The following EIF3H variants were observed in gnomAD, a reference collection of about 807,000 sequenced individuals.
EIF3H encodes eukaryotic translation initiation factor 3 subunit H.
A neutral mutation model predicts 44.2 loss-of-function variants in EIF3H; 26 were observed. The ratio of observed to expected loss-of-function variants is 0.59; its 90% CI spans 0.43 to 0.82. The LOEUF (loss-of-function observed/expected upper bound fraction) is 0.82, where lower values mean the gene tolerates loss of function less well. EIF3H is among the 40% of genes least tolerant of loss of function. The pLI is 0.00. For missense variants in EIF3H, 359 were observed against 432.8 expected (o/e 0.83, Z 1.51); for synonymous variants, 166 against 151.9 (o/e 1.09, Z -0.68).
rs751269283 is a variant in EIF3H, at chr8:116,642,889, T to A, written c.*2117A>T. 6.6e-6 allele frequency: 1 copy of A among 152,240 alleles called. No individual in the cohort carries two copies. 9.4% of individuals were successfully genotyped at this position (152,240 alleles called of 1,614,324 possible). On this transcript the variant is annotated 3_prime_UTR_variant, in exon 8 of 8. Transcript: ENST00000521861. The stretch of plus-strand genomic sequence containing the variant: ...ATTCCCAAATCAAAAATTACTGAAA[T>A]CTTTCATTAAGTGTGTATTCATGTT...
At chr8:116,751,211 CA>C (rs869150189) in intron 1 of EIF3H, among the ~76,000 whole-genome samples, 1 of 100,426 alleles carries the variant, frequency 1.0e-5, no homozygotes. Flanking sequence ...GACTCCGTCT[CA>C]AAAAAAAAAT....
At chr8:116,658,700 T>G (rs1586436087) in intron 3 of EIF3H, 113 bp downstream of exon 3, 4 of 981,112 alleles carry the variant, frequency 4.1e-6, no homozygotes. Flanking sequence ...AGAAACAGGG[T>G]TGGTATTTAC....
intron 1 of EIF3H, among the ~76,000 whole-genome samples, chr8:116,732,987 C>T (rs1039395071): frequency 6.6e-6 from 1 of 152,178 alleles, no homozygotes; most frequent in African/African-American, 2.4e-5. Flanking sequence ...CACAGTCCTA[C>T]AAGACTGCCC....
chr8:116,676,462 GA>G (rs1792252020), intron 2 of EIF3H, among the ~76,000 whole-genome samples: 1 of 152,302 alleles, frequency 6.6e-6, no homozygotes, highest in South Asian at 2.1e-4. Context: ...AAGGGGGGAA[GA>G]GCCTCTTATA....
intron 2 of EIF3H, among the ~76,000 whole-genome samples, chr8:116,672,103 T>G (rs1051386794): frequency 6.6e-6 from 1 of 152,212 alleles, no homozygotes; most frequent in African/African-American, 2.4e-5. Flanking sequence ...TGAGTATCCT[T>G]GTTAGATAGA....
intron 1 of EIF3H, among the ~76,000 whole-genome samples, chr8:116,743,817 C>A (rs1379184847): frequency 8.1e-6 from 1 of 123,178 alleles, no homozygotes; most frequent in Non-Finnish European, 1.7e-5. Context: ...CACACACACA[C>A]ACACACACAC....
chr8:116,698,044 A>C (rs1255811623), intron 2 of EIF3H, among the ~76,000 whole-genome samples: 1 of 152,236 alleles, frequency 6.6e-6, no homozygotes, highest in Non-Finnish European at 1.5e-5. Flanking sequence ...AGGCAGAATT[A>C]TCATGCTCAG....
At chr8:116,658,331 C>T (rs1813526938) in intron 3 of EIF3H, 1 of 152,342 alleles carries the variant, frequency 6.6e-6, no homozygotes. Flanking sequence ...TGATACAGCA[C>T]AGAACATCTG....
intron 2 of EIF3H, among the ~76,000 whole-genome samples, chr8:116,707,549 T>C (rs1814491312): frequency 1.0e-5 from 1 of 95,924 alleles, no homozygotes; most frequent in East Asian, 2.4e-4. Flanking sequence ...CAGTCAAATA[T>C]CTCATACGTG....
chr8:116,755,955 C>A (rs1180955856), upstream of EIF3H: 1 of 1,536,552 alleles, frequency 6.5e-7, no homozygotes, highest in Admixed American at 2.0e-5. Context: ...GTTTTACCTT[C>A]TTTCCAGGCG....
intron 5 of EIF3H, among the ~76,000 whole-genome samples, chr8:116,652,569 T>G (rs1813412336): frequency 6.6e-6 from 1 of 152,226 alleles, no homozygotes; most frequent in Non-Finnish European, 1.5e-5. Flanking sequence ...AAAAGTCATG[T>G]CTACAATTTA....
In EIF3H at chr8:116,675,311, T is replaced by C. The variant is rs189675145; in HGVS notation, c.290-16331A>G. Among the ~76,000 whole-genome samples the C allele has an allele frequency of 2.0e-5, 3 of 152,366 alleles. No individual in the cohort carries two copies. In the East Asian group the frequency reaches 5.8e-4, roughly 29 times the overall value. On this transcript the variant is annotated intron_variant, in intron 2 of 7. Coordinates refer to ENST00000521861, the MANE Select transcript of EIF3H (RefSeq NM_003756.3). Reference sequence around the variant, plus strand: ...TGTAAATCATCAAACTCCTAGATTCTTATTCCCAGTATATACAGATCCACA... The same window carrying C: ...TGTAAATCATCAAACTCCTAGATTCCTATTCCCAGTATATACAGATCCACA...
At chr8:116,710,458 T>C (rs1341492980) in intron 2 of EIF3H, among the ~76,000 whole-genome samples, 1 of 152,226 alleles carries the variant, frequency 6.6e-6, no homozygotes, top group East Asian at 1.9e-4. Context: ...GGGTTTAGTG[T>C]CTGTATACAT....
At chr8:116,757,354 G>T (rs1175471984), upstream of EIF3H, among the ~76,000 whole-genome samples, 1 of 152,090 alleles carries the variant, frequency 6.6e-6, no homozygotes, top group Admixed American at 6.6e-5. Context: ...ACAAGAAAGG[G>T]CCCAGAAGCA....
At chr8:116,762,960 A>G (rs1457196059) in intron 1 of EIF3H, among the ~76,000 whole-genome samples, 5 of 152,246 alleles carry the variant, frequency 3.3e-5, no homozygotes, top group African/African-American at 7.2e-5. Flanking sequence ...AAAAGGAAAA[A>G]AAAAGAATTC....
intron 2 of EIF3H, among the ~76,000 whole-genome samples, chr8:116,700,773 T>C (rs751673818): frequency 1.3e-5 from 2 of 152,190 alleles, no homozygotes; most frequent in Non-Finnish European, 2.9e-5. Context: ...AGTCCATTTG[T>C]AATGCAAAAG....
intron 5 of EIF3H, among the ~76,000 whole-genome samples, chr8:116,649,339 C>T (rs559764582): frequency 1.3e-4 from 20 of 152,170 alleles, no homozygotes; most frequent in Non-Finnish European, 2.5e-4. Context: ...CAGATTATGA[C>T]ATCTGGCACA....
chr8:116,687,526 C>T (rs1202847051), intron 2 of EIF3H, among the ~76,000 whole-genome samples: 1 of 152,092 alleles, frequency 6.6e-6, no homozygotes, highest in East Asian at 1.9e-4. Context: ...TACATTGTTT[C>T]ATTACTGTAT....
At chr8:116,725,531 C>G (rs1563653950) in intron 2 of EIF3H, among the ~76,000 whole-genome samples, 1 of 152,152 alleles carries the variant, frequency 6.6e-6, no homozygotes, top group South Asian at 2.1e-4. Context: ...GAGCTTTTAA[C>G]TACTCTCAGC....
Sources: allele counts gnomAD v4.1 joint callset (sites outside exome capture counted in the v4.1 genomes callset), GRCh38; gene constraint gnomAD v4.1.1; transcripts MANE v1.5; gene names NCBI Gene and HGNC (gene_info 2026-07-23, HGNC 2026-07-21).